PDE10A: variants seen among roughly 807,000 people sequenced by gnomAD.
PDE10A encodes phosphodiesterase 10A, also known as cAMP and cAMP-inhibited cGMP 3',5'-cyclic phosphodiesterase 10A.
PDE10A carries 39 observed loss-of-function variants against 97.7 expected under a neutral mutation model. The ratio of observed to expected loss-of-function variants is 0.40; its 90% CI spans 0.31 to 0.52. The LOEUF is 0.52. PDE10A is among the 20% of genes least tolerant of loss of function. PDE10A has a pLI of 0.56. For synonymous variants in PDE10A, 371 were observed against 376.8 expected (o/e 0.98, Z 0.18); for missense variants, 731 against 1,047.8 (o/e 0.70, Z 4.17).
At chr6:165,367,912 T>C (rs998662897) in intron 18 of PDE10A, among the ~76,000 whole-genome samples, 1 of 152,118 alleles carries the variant, frequency 6.6e-6, no homozygotes, top group South Asian at 2.1e-4. Context: ...ATGATAGAAG[T>C]TGGAAATTTG....
chr6:165,824,279 TCA>T (rs1779661785), intron 1 of PDE10A, among the ~76,000 whole-genome samples: 1 of 152,218 alleles, frequency 6.6e-6, no homozygotes, highest in Non-Finnish European at 1.5e-5. Flanking sequence ...AAAAAAATTA[TCA>T]CATTTAAATT....
chr6:165,732,780 G>A (rs957415885), intron 1 of PDE10A, among the ~76,000 whole-genome samples: 3 of 152,222 alleles, frequency 2.0e-5, no homozygotes, highest in African/African-American at 7.2e-5. Flanking sequence ...TGGCATATGA[G>A]CGCTGTCCCA....
At chr6:165,906,785 G>A (rs1782298236) in intron 1 of PDE10A, among the ~76,000 whole-genome samples, 1 of 152,200 alleles carries the variant, frequency 6.6e-6, no homozygotes, top group South Asian at 2.1e-4. Flanking sequence ...TTAGGATCAG[G>A]AGTTCTAAGA....
intron 11 of PDE10A, among the ~76,000 whole-genome samples, chr6:165,417,759 C>T: frequency 6.6e-6 from 1 of 152,128 alleles, no homozygotes; most frequent in East Asian, 1.9e-4. Flanking sequence ...AGTGGTGGGG[C>T]CCCACGGTGA....
intron 1 of PDE10A, among the ~76,000 whole-genome samples, chr6:165,761,162 CT>C (rs1009420042): frequency 6.6e-6 from 1 of 152,196 alleles, no homozygotes; most frequent in Non-Finnish European, 1.5e-5. Flanking sequence ...TTTCTCTTTC[CT>C]TTTCTTTTCT....
intron 1 of PDE10A, among the ~76,000 whole-genome samples, chr6:165,549,403 C>A (rs1271862827): frequency 1.3e-5 from 2 of 152,196 alleles, no homozygotes; most frequent in Non-Finnish European, 2.9e-5. Flanking sequence ...CGGCTCACTG[C>A]AAGCTCCGCC....
intron 1 of PDE10A, among the ~76,000 whole-genome samples, chr6:165,730,131 T>G (rs1476046242): frequency 6.7e-6 from 1 of 148,590 alleles, no homozygotes; most frequent in Non-Finnish European, 1.5e-5. Context: ...GATATATATG[T>G]ATATGAATAT....
At chr6:165,839,305 G>A (rs1048270870) in intron 1 of PDE10A, among the ~76,000 whole-genome samples, 2 of 152,150 alleles carry the variant, frequency 1.3e-5, no homozygotes, top group Non-Finnish European at 2.9e-5. Context: ...ATTATAAAGC[G>A]ATTCCTTAAG....
chr6:165,540,450 T>G (rs1408722355), intron 2 of PDE10A, among the ~76,000 whole-genome samples: 1 of 152,194 alleles, frequency 6.6e-6, no homozygotes, highest in African/African-American at 2.4e-5. Flanking sequence ...TGAAATAATT[T>G]AGATAGGCTT....
Position 165,612,765 on chromosome 6 carries a change from C to T in PDE10A, c.865+49182G>A, listed in dbSNP as rs145834056. On this transcript the variant is annotated intron_variant, in intron 1 of 21. Coordinates refer to ENST00000539869, the MANE Select transcript of PDE10A (RefSeq NM_001385079.1). ...AACATATCTCTTCCAGCAAGACTGT[C>T]TCGCCTCACCACATATCTTTTCCAG... 2.6e-3 allele frequency among the ~76,000 whole-genome samples: 401 copies of T among 152,306 alleles called. 3 individuals carry two copies. Among genetic ancestry groups the T allele is most frequent in the African/African-American group, 9.3e-3 (386 of 41,556 alleles).
chr6:165,871,607 T>G (rs983157850), intron 1 of PDE10A, among the ~76,000 whole-genome samples: 4 of 152,212 alleles, frequency 2.6e-5, no homozygotes, highest in Non-Finnish European at 5.9e-5. Flanking sequence ...GAATTTGAGG[T>G]ACCCTAGTGC....
At chr6:165,796,091 CTT>C (rs1168771487) in intron 1 of PDE10A, among the ~76,000 whole-genome samples, 129 of 108,786 alleles carry the variant, frequency 1.2e-3, no homozygotes, top group African/African-American at 4.2e-3. Flanking sequence ...TTTTTCTTTT[CTT>C]TTTTTTTTTT....
intron 1 of PDE10A, among the ~76,000 whole-genome samples, chr6:165,713,346 G>A (rs1791948759): frequency 6.6e-6 from 1 of 152,226 alleles, no homozygotes; most frequent in Non-Finnish European, 1.5e-5. Context: ...TGTTTCCATA[G>A]GGAGTGACCA....
At chr6:165,514,236 G>A (rs1481452537) in intron 2 of PDE10A, among the ~76,000 whole-genome samples, 2 of 151,982 alleles carry the variant, frequency 1.3e-5, no homozygotes. Flanking sequence ...AACATTTATC[G>A]GTGCTTTTCT....
At chr6:165,433,879 C>T (rs220823) in intron 6 of PDE10A, among the ~76,000 whole-genome samples, 52,600 of 151,058 alleles carry the variant, frequency 0.35, 9,645 homozygotes, top group African/African-American at 0.45. Flanking sequence ...TAGCCGGGCG[C>T]GGTGGCAGGC....
Position 165,671,763 on chromosome 6 carries a change from AGTGT to A in PDE10A, c.-614-128199_-614-128196del, listed in dbSNP as rs933520889. On this transcript the variant is annotated intron_variant, in intron 1 of 19. Coordinates refer to the PDE10A transcript ENST00000366882. The surrounding 1 kb of genome is among the most constrained non-coding windows in gnomAD (Gnocchi z 4.6). ...TATATGTGTGTGTTTACATATATAC[AGTGT>A]GTGTGTGCTTTATTCTCTAAGGCAG... 3.3e-5 allele frequency among the ~76,000 whole-genome samples: 5 copies of A among 152,080 alleles called. No homozygotes were observed. Among genetic ancestry groups the A allele is most frequent in the African/African-American group, 1.2e-4 (5 of 41,406 alleles).
chr6:165,674,933 C>A (rs1790754038), intron 1 of PDE10A, among the ~76,000 whole-genome samples: 1 of 152,048 alleles, frequency 6.6e-6, no homozygotes, highest in Non-Finnish European at 1.5e-5. Flanking sequence ...CTCCACACTT[C>A]TCTCTGAGTC....
chr6:165,912,355 AC>A (rs1433301364), intron 1 of PDE10A, among the ~76,000 whole-genome samples: 1 of 152,160 alleles, frequency 6.6e-6, no homozygotes, highest in African/African-American at 2.4e-5. Context: ...CCACATTAAC[AC>A]CCGCAGTGTT....
At chr6:165,548,486 TG>T (rs1783850256) in intron 1 of PDE10A, among the ~76,000 whole-genome samples, 1 of 152,154 alleles carries the variant, frequency 6.6e-6, no homozygotes, top group Non-Finnish European at 1.5e-5. Flanking sequence ...TACTTCAATC[TG>T]GATTTTTCTG....
Sources: allele counts gnomAD v4.1 joint callset (sites outside exome capture counted in the v4.1 genomes callset), GRCh38; gene constraint gnomAD v4.1.1; non-coding constraint Gnocchi (gnomAD v3.1); transcripts MANE v1.5; gene names NCBI Gene and HGNC (gene_info 2026-07-23, HGNC 2026-07-21).